The following TMEM178B variants were observed in gnomAD, a reference collection of about 807,000 sequenced individuals.
TMEM178B encodes transmembrane protein 178B.
A neutral mutation model predicts 31.0 loss-of-function variants in TMEM178B; 5 were observed. The ratio of observed to expected loss-of-function variants is 0.16; its 90% CI spans 0.08 to 0.34. The LOEUF is 0.34. TMEM178B is among the 10% of genes least tolerant of loss of function. The pLI is 1.00. For synonymous variants in TMEM178B, 164 were observed against 164.0 expected, an observed-to-expected ratio of 1.00 and a Z score of 0.00; for missense variants, 275 against 400.3, an observed-to-expected ratio of 0.69 and a Z score of 2.67.
chr7:141,289,714 CAAAAAAAA>C (rs35000633), intron 2 of TMEM178B, among the ~76,000 whole-genome samples: 2 of 92,384 alleles, frequency 2.2e-5, no homozygotes, highest in Non-Finnish European at 4.3e-5. Context: ...GACCCTGTCT[CAAAAAAAA>C]AAAAAAAAAG....
intron 1 of TMEM178B, among the ~76,000 whole-genome samples, chr7:141,113,708 C>T (rs144305631): frequency 1.5e-4 from 23 of 152,264 alleles, no homozygotes; most frequent in East Asian, 7.7e-4. Flanking sequence ...AGTCTGAGGC[C>T]GGGGACCATG....
At chr7:141,368,098 C>T (rs1490302430) in intron 2 of TMEM178B, among the ~76,000 whole-genome samples, 3 of 152,178 alleles carry the variant, frequency 2.0e-5, no homozygotes, top group Non-Finnish European at 2.9e-5. Flanking sequence ...GTGGGCAGAT[C>T]ACTTAAGGTC....
At chr7:141,333,988 G>A (rs73737798) in intron 2 of TMEM178B, among the ~76,000 whole-genome samples, 13,779 of 152,256 alleles carry the variant, frequency 0.09, 1,320 homozygotes, top group African/African-American at 0.24. Context: ...TGTGGGGCCC[G>A]CTTCCTAACA....
intron 1 of TMEM178B, among the ~76,000 whole-genome samples, chr7:141,209,717 C>T (rs929955425): frequency 4.6e-5 from 7 of 152,086 alleles, no homozygotes; most frequent in Non-Finnish European, 1.0e-4. Flanking sequence ...GGTGGAACGC[C>T]TGCTGCTGGG....
At chr7:141,148,319 C>T (rs1795892644) in intron 1 of TMEM178B, among the ~76,000 whole-genome samples, 1 of 152,172 alleles carries the variant, frequency 6.6e-6, no homozygotes, top group African/African-American at 2.4e-5. Flanking sequence ...TGCAAGGTAA[C>T]ATACTCACAG....
At chr7:141,147,599 A>G (rs1384509306) in intron 1 of TMEM178B, among the ~76,000 whole-genome samples, 1 of 152,208 alleles carries the variant, frequency 6.6e-6, no homozygotes, top group African/African-American at 2.4e-5. Context: ...GGGTGAGCAT[A>G]TGCAATCTAA....
intron 1 of TMEM178B, among the ~76,000 whole-genome samples, chr7:141,202,866 A>G (rs930095294): frequency 6.6e-6 from 1 of 152,140 alleles, no homozygotes; most frequent in African/African-American, 2.4e-5. Context: ...CACCTCTCCC[A>G]TTTCTGCCCC....
intron 2 of TMEM178B, among the ~76,000 whole-genome samples, chr7:141,388,242 G>T (rs1286056043): frequency 6.6e-6 from 1 of 152,156 alleles, no homozygotes; most frequent in Non-Finnish European, 1.5e-5. Flanking sequence ...CAGGCTCATC[G>T]TAGGGTCTCC....
At chr7:141,270,663 T>C (rs1470649002) in intron 2 of TMEM178B, among the ~76,000 whole-genome samples, 2 of 152,236 alleles carry the variant, frequency 1.3e-5, no homozygotes, top group African/African-American at 2.4e-5. Flanking sequence ...AGTTGAGGTT[T>C]AATCAAAAGG....
intron 1 of TMEM178B, among the ~76,000 whole-genome samples, chr7:141,143,513 G>T (rs1216703144): frequency 6.6e-6 from 1 of 152,150 alleles, no homozygotes; most frequent in Admixed American, 6.5e-5. Flanking sequence ...CTTTGTCAAA[G>T]ATCAGATGGT....
In TMEM178B at chr7:141,475,243, C is replaced by A. The variant is rs1459192898; in HGVS notation, c.*4457C>A. The A allele has an allele frequency of 6.6e-6, 1 of 152,162 alleles. No homozygotes were observed. Among genetic ancestry groups the A allele is most frequent in the Non-Finnish European group, 1.5e-5 (1 of 68,024 alleles). The allele number at this position is 152,162 out of a possible 1,614,324, so 9.4% of individuals were successfully genotyped here. ...GACTAAGGGGGCAGATTTTTAAGAACCCCACCAGAGTTGACATACACACGT... is the reference window on the plus strand; with the variant it reads ...GACTAAGGGGGCAGATTTTTAAGAAACCCACCAGAGTTGACATACACACGT... On this transcript the variant is annotated 3_prime_UTR_variant, in exon 4 of 4. Transcript: ENST00000565468.
chr7:141,207,296 A>G (rs924615407), intron 1 of TMEM178B, among the ~76,000 whole-genome samples: 1 of 152,162 alleles, frequency 6.6e-6, no homozygotes, highest in Non-Finnish European at 1.5e-5. Flanking sequence ...AGTGATTTCA[A>G]TTGTTTTGGA....
intron 2 of TMEM178B, chr7:141,429,786 A>G (rs1801389485): frequency 6.6e-6 from 1 of 152,250 alleles, no homozygotes; most frequent in Non-Finnish European, 1.5e-5. Context: ...ACTTCAAAAC[A>G]TCATGTTGTA....
intron 2 of TMEM178B, among the ~76,000 whole-genome samples, chr7:141,221,863 G>C (rs10253802): frequency 0.51 from 77,397 of 152,162 alleles, 21,316 homozygotes; most frequent in African/African-American, 0.73. Flanking sequence ...AGATGGGGTC[G>C]ATTGCCTGGA....
downstream of TMEM178B, among the ~76,000 whole-genome samples, chr7:141,482,354 C>T (rs949074169): frequency 6.6e-6 from 1 of 152,210 alleles, no homozygotes; most frequent in African/African-American, 2.4e-5. Context: ...AACCCTGTGG[C>T]AGCATGCTGT....
chr7:141,335,923 T>G (rs948209383), intron 2 of TMEM178B, among the ~76,000 whole-genome samples: 2 of 152,194 alleles, frequency 1.3e-5, no homozygotes, highest in Non-Finnish European at 2.9e-5. Context: ...ATGCGTGAAG[T>G]TGAGCTCTCT....
At chr7:141,398,102 T>A (rs998809602) in intron 2 of TMEM178B, among the ~76,000 whole-genome samples, 4 of 152,148 alleles carry the variant, frequency 2.6e-5, no homozygotes, top group African/African-American at 9.7e-5. Flanking sequence ...TGTCCCAGTG[T>A]GTACAGCTCA....
chr7:141,464,471 T>G (rs1277530076), intron 3 of TMEM178B, among the ~76,000 whole-genome samples: 1 of 152,182 alleles, frequency 6.6e-6, no homozygotes, highest in Non-Finnish European at 1.5e-5. Flanking sequence ...GATACTATTT[T>G]CACTTCATCT....
intron 2 of TMEM178B, among the ~76,000 whole-genome samples, chr7:141,279,353 G>A (rs1385814018): frequency 1.3e-5 from 2 of 152,280 alleles, no homozygotes; most frequent in East Asian, 1.9e-4. Flanking sequence ...TTTTATGATA[G>A]GATGGTGTTA....
Sources: gnomAD v4.1 joint callset for allele counts (sites outside exome capture counted in the v4.1 genomes callset) on GRCh38, gnomAD v4.1.1 for gene constraint, MANE v1.5 for transcripts, NCBI Gene and HGNC (gene_info 2026-07-23, HGNC 2026-07-21) for gene names.